WDR88: variants seen among roughly 807,000 people sequenced by gnomAD.
WDR88 encodes WD repeat-containing protein 88.
Under a neutral mutation model 46.8 loss-of-function variants are expected in WDR88, and 40 were observed. The observed-to-expected ratio is 0.86, with a 90% CI of 0.66 to 1.11. The LOEUF is 1.11. WDR88 is among the 50% of genes most tolerant of loss of function. WDR88 has a pLI of 0.00. For missense variants in WDR88, 562 were observed against 602.4 expected (o/e 0.93, Z 0.70); for synonymous variants, 235 against 240.7 (o/e 0.98, Z 0.22).
At chr19:33,137,825 C>G (rs373083727) in intron 2 of WDR88, 38 bp downstream of exon 2, 3 of 1,581,200 alleles carry the variant, frequency 1.9e-6, no homozygotes, top group Non-Finnish European at 2.6e-6. Flanking sequence ...GGAGCGAAAA[C>G]CTTTCCTAAG....
In WDR88 at chr19:33,160,398, T is replaced by A. The variant is rs759882323; in HGVS notation, c.998-16T>A. 8.7e-6 allele frequency: 14 copies of A among 1,613,974 alleles called. No individual in the cohort carries two copies. The highest frequency in any genetic ancestry group is 1.1e-5 in the Non-Finnish European group (13 of 1,180,008). Reference sequence around the variant, plus strand: ...AAAGTTGACCCCCATCTCCACCCTTTCATTTTCTGTTGCAGGCTCTTTTCT... The same window carrying A: ...AAAGTTGACCCCCATCTCCACCCTTACATTTTCTGTTGCAGGCTCTTTTCT... On this transcript the variant is annotated splice_polypyrimidine_tract_variant and intron_variant, in intron 7 of 10. Transcript: ENST00000355868.
intron 3 of WDR88, among the ~76,000 whole-genome samples, chr19:33,145,975 A>C (rs1973504101): frequency 6.6e-6 from 1 of 152,206 alleles, no homozygotes; most frequent in Admixed American, 6.6e-5. Flanking sequence ...CTGTGAAAAG[A>C]CAGACATGGG....
intron 9 of WDR88, among the ~76,000 whole-genome samples, chr19:33,165,753 C>T (rs1037151597): frequency 1.9e-4 from 29 of 151,642 alleles, no homozygotes; most frequent in Admixed American, 3.9e-4. Context: ...CTTAGCCGGG[C>T]GTGGTGGCAG....
At chr19:33,139,264 T>C (rs1209129780) in intron 2 of WDR88, among the ~76,000 whole-genome samples, 1 of 152,200 alleles carries the variant, frequency 6.6e-6, no homozygotes, top group Non-Finnish European at 1.5e-5. Context: ...CAGAGGTGGC[T>C]CCTGGAGCCC....
chr19:33,146,472 C>CTTCCTTCT (rs1555724925), intron 3 of WDR88, among the ~76,000 whole-genome samples: 161 of 15,562 alleles, frequency 0.01, no homozygotes, highest in African/African-American at 0.017. Context: ...TCTTTCCTTC[C>CTTCCTTCT]TTCCTTCCTT....
At chr19:33,151,075 C>T in intron 5 of WDR88, 106 bp from the exon 6 acceptor site, 2 of 1,334,150 alleles carry the variant, frequency 1.5e-6, no homozygotes, top group Non-Finnish European at 1.0e-6. Flanking sequence ...CTGATGAAAA[C>T]TGGAATTGTG....
At chr19:33,132,821 TACAGTTAGCGTCAGAAGAA>T (rs1021377665) in intron 1 of WDR88, among the ~76,000 whole-genome samples, 1 of 152,144 alleles carries the variant, frequency 6.6e-6, no homozygotes, top group Non-Finnish European at 1.5e-5. Flanking sequence ...GTCCAGGAGA[TACAGTTAGCGTCAGAAGAA>T]ACGGGAAACT....
chr19:33,172,418 C>A lies in WDR88; in HGVS notation c.1220C>A (p.Ala407Asp). 1.2e-6 allele frequency: 2 copies of A among 1,613,924 alleles called. No individual in the cohort carries two copies. Among genetic ancestry groups the A allele is most frequent in the Middle Eastern group, 1.7e-4 (1 of 6,060 alleles). Reference protein sequence around the residue: ...EIPLVIKYKKAVGLKLKQCER... With the variant: ...EIPLVIKYKKDVGLKLKQCER... ...CCTTTGGTAATCAAGTACAAAAAGG[C>A]CGTGGGCTTAAAGTTGAAACAGGTT... Residue 407 changes from alanine to aspartate, a missense_variant, in exon 10 of 11, where the codon GCC (alanine) becomes GAC (aspartate). Coordinates refer to ENST00000355868, the MANE Select transcript of WDR88 (RefSeq NM_173479.4).
Position 33,148,850 on chromosome 19 carries a change from G to A in WDR88, c.619G>A (p.Val207Met), listed in dbSNP as rs781080393. Residue 207 changes from valine (V) to methionine (M), a missense_variant, in exon 5 of 11, where the codon GTG (valine) becomes ATG (methionine). Val to Met is a conservative substitution (Grantham distance 21, BLOSUM62 1). Coordinates refer to ENST00000355868, the MANE Select transcript of WDR88 (RefSeq NM_173479.4). Reference protein sequence around the residue: ...DGKYVVSGFDVDHGICIMDAE... With the variant: ...DGKYVVSGFDMDHGICIMDAE... ...TAAATACGTGGTCTCAGGCTTCGAC[G>A]TGGATCATGGAATCTGCATAATGGA... 3.7e-6 allele frequency: 6 copies of A among 1,613,972 alleles called. No individual in the cohort carries two copies. In the African/African-American group the frequency reaches 4.0e-5, roughly 11 times the overall value.
intron 1 of WDR88, among the ~76,000 whole-genome samples, chr19:33,134,670 G>A (rs1288617224): frequency 6.6e-6 from 1 of 152,000 alleles, no homozygotes; most frequent in Non-Finnish European, 1.5e-5. Context: ...CTGCACGCGC[G>A]GCCCCGGCCT....
chr19:33,171,509 T>C (rs1974037894), intron 9 of WDR88, among the ~76,000 whole-genome samples: 1 of 152,124 alleles, frequency 6.6e-6, no homozygotes, highest in Non-Finnish European at 1.5e-5. Flanking sequence ...ATACTCAATG[T>C]ATCCATTTTT....
chr19:33,163,110 G>A (rs1358246590), intron 8 of WDR88, among the ~76,000 whole-genome samples: 2 of 152,092 alleles, frequency 1.3e-5, no homozygotes, highest in Admixed American at 1.3e-4. Context: ...GAGGCAGGCA[G>A]ATCACGAAGT....
intron 3 of WDR88, among the ~76,000 whole-genome samples, chr19:33,145,372 C>T (rs887650046): frequency 6.6e-6 from 1 of 151,450 alleles, no homozygotes; most frequent in East Asian, 1.9e-4. Flanking sequence ...AGGCTGGTCT[C>T]AAACTCCTAG....
At position 33,132,449 on chromosome 19, in the gene WDR88, A is replaced by G; in HGVS notation, c.276+4A>G. Reference sequence around the variant, plus strand: ...CGACCAGGACCCTCTCTCCAAGGTCAGAACCGCCGCTGGGGTGAGGGGGCA... The same window carrying G: ...CGACCAGGACCCTCTCTCCAAGGTCGGAACCGCCGCTGGGGTGAGGGGGCA... On this transcript the variant is annotated splice_donor_region_variant and intron_variant, in intron 1 of 10. Coordinates refer to ENST00000355868, the MANE Select transcript of WDR88 (RefSeq NM_173479.4). 1 of 1,612,432 alleles carries G rather than the reference A, an allele frequency of 6.2e-7. No homozygotes were observed. The highest frequency in any genetic ancestry group is 2.2e-5 in the East Asian group (1 of 44,852).
intron 10 of WDR88, chr19:33,174,191 G>T: frequency 1.3e-6 from 2 of 1,536,420 alleles, no homozygotes; most frequent in Non-Finnish European, 1.7e-6. Context: ...GGAAAAGAAA[G>T]AGGCCTACCT....
At chr19:33,173,182 C>T (rs1056008815) in intron 10 of WDR88, among the ~76,000 whole-genome samples, 1 of 151,224 alleles carries the variant, frequency 6.6e-6, no homozygotes, top group Non-Finnish European at 1.5e-5. Context: ...GAGGCAGGAG[C>T]CAGCCTGGTG....
intron 10 of WDR88, chr19:33,174,389 G>A (rs926910532): frequency 5.7e-6 from 8 of 1,407,064 alleles, no homozygotes; most frequent in Non-Finnish European, 6.5e-6. Context: ...GCAGGGGCGC[G>A]GCCACCTTGC....
intron 4 of WDR88, among the ~76,000 whole-genome samples, chr19:33,148,209 C>T (rs970969349): frequency 6.6e-6 from 1 of 151,958 alleles, no homozygotes; most frequent in South Asian, 2.1e-4. Context: ...AAGACTCCCA[C>T]TCGGCCCTGC....
At chr19:33,146,496 C>CTT (rs1193074766) in intron 3 of WDR88, among the ~76,000 whole-genome samples, 3 of 84,644 alleles carry the variant, frequency 3.5e-5, no homozygotes, top group Non-Finnish European at 7.1e-5. Context: ...TCCTTCCTTC[C>CTT]CCTTCCTTCC....
Sources: allele counts gnomAD v4.1 joint callset (sites outside exome capture counted in the v4.1 genomes callset), GRCh38; gene constraint gnomAD v4.1.1; transcripts MANE v1.5; gene names NCBI Gene and HGNC (gene_info 2026-07-23, HGNC 2026-07-21).